The following ANKRD6 variants were observed in gnomAD, a reference collection of about 807,000 sequenced individuals.
ANKRD6 encodes the protein ankyrin repeat domain 6, also known as ankyrin repeat domain-containing protein 6.
Under a neutral mutation model 82.3 loss-of-function variants are expected in ANKRD6, and 56 were observed. The observed-to-expected ratio is 0.68, with a 90% CI of 0.55 to 0.85. ANKRD6 has a LOEUF of 0.85. ANKRD6 is among the 40% of genes least tolerant of loss of function. ANKRD6 has a pLI of 0.00. For synonymous variants in ANKRD6, 347 were observed against 352.1 expected, an observed-to-expected ratio of 0.99 and a Z score of 0.16; for missense variants, 852 against 907.6, an observed-to-expected ratio of 0.94 and a Z score of 0.79.
At chr6:89,466,397 C>T (rs777736493) in intron 1 of ANKRD6, among the ~76,000 whole-genome samples, 18 of 152,136 alleles carry the variant, frequency 1.2e-4, no homozygotes, top group Non-Finnish European at 1.8e-4. Flanking sequence ...ACTTTTGACA[C>T]ATATTGCCAA....
At chr6:89,570,505 A>C (rs74923221) in intron 2 of ANKRD6, among the ~76,000 whole-genome samples, 34 of 152,258 alleles carry the variant, frequency 2.2e-4, no homozygotes, top group Non-Finnish European at 4.6e-4. Context: ...ATCTTCAGAA[A>C]TTTTTCGTCT....
chr6:89,436,464 T>C (rs1770649797), intron 1 of ANKRD6, among the ~76,000 whole-genome samples: 1 of 152,242 alleles, frequency 6.6e-6, no homozygotes, highest in East Asian at 1.9e-4. Context: ...TCAGATTTTC[T>C]ACATTGCCCA....
At chr6:89,544,264 G>A (rs1049213360) in intron 1 of ANKRD6, among the ~76,000 whole-genome samples, 2 of 152,196 alleles carry the variant, frequency 1.3e-5, no homozygotes, top group African/African-American at 4.8e-5. Context: ...GCCGCAAGGA[G>A]CCATCCCAAT....
chr6:89,591,600 C>G (rs563810168), intron 2 of ANKRD6, among the ~76,000 whole-genome samples: 1 of 152,190 alleles, frequency 6.6e-6, no homozygotes, highest in East Asian at 1.9e-4. Context: ...GTCGGACATG[C>G]CTGGGGGCAT....
At chr6:89,459,221 G>A (rs1325766654) in intron 1 of ANKRD6, among the ~76,000 whole-genome samples, 5 of 152,150 alleles carry the variant, frequency 3.3e-5, no homozygotes, top group Non-Finnish European at 5.9e-5. Context: ...TGGGATTACA[G>A]GCATGTGCCA....
chr6:89,616,541 C>T lies in ANKRD6; in HGVS notation c.616-18C>T. 6.2e-7 allele frequency: 1 copy of T among 1,612,494 alleles called. No homozygotes were observed. The highest frequency in any genetic ancestry group is 8.5e-7 in the Non-Finnish European group (1 of 1,178,516). On this transcript the variant is annotated intron_variant, in intron 7 of 15. Coordinates refer to ENST00000339746, the MANE Select transcript of ANKRD6 (RefSeq NM_001242809.2). ...CCATGAGCAGATGAGGTTTAGCAGACCTTCTAATCAATTCCAGGCTGGAGA... is the reference window on the plus strand; with the variant it reads ...CCATGAGCAGATGAGGTTTAGCAGATCTTCTAATCAATTCCAGGCTGGAGA...
chr6:89,453,678 C>T (rs1773144105), intron 1 of ANKRD6, among the ~76,000 whole-genome samples: 1 of 152,140 alleles, frequency 6.6e-6, no homozygotes. Context: ...CTCCCAGGTT[C>T]AAGCTATTCT....
At chr6:89,607,199 G>T (rs1798897100) in intron 5 of ANKRD6, among the ~76,000 whole-genome samples, 1 of 151,298 alleles carries the variant, frequency 6.6e-6, no homozygotes, top group Admixed American at 6.6e-5. Context: ...TTTTTACTTG[G>T]TACCTACCTT....
At chr6:89,553,716 G>A (rs930331575) in intron 1 of ANKRD6, among the ~76,000 whole-genome samples, 1 of 152,132 alleles carries the variant, frequency 6.6e-6, no homozygotes, top group Non-Finnish European at 1.5e-5. Flanking sequence ...ACCCCAGCCA[G>A]CGTGCCTCTC....
At position 89,538,630 on chromosome 6, in the gene ANKRD6, G is replaced by A. The variant is rs114128250; in HGVS notation, c.-143-28204G>A. On this transcript the variant is annotated intron_variant, in intron 1 of 15. Coordinates refer to ENST00000339746, the MANE Select transcript of ANKRD6 (RefSeq NM_001242809.2). ...TATTTATTTAGATAAAAGCTAATCT[G>A]TTAAGGTCAAGACTCTATCATGTGT... 1.5e-3 allele frequency among the ~76,000 whole-genome samples: 232 copies of A among 152,224 alleles called. 2 individuals carry two copies. Among genetic ancestry groups the A allele is most frequent in the African/African-American group, 5.3e-3 (222 of 41,544 alleles).
chr6:89,628,940 C>T, intron 14 of ANKRD6, 172 bp from the exon 15 acceptor site: 1 of 674,808 alleles, frequency 1.5e-6, no homozygotes, highest in Non-Finnish European at 2.4e-6. Context: ...TTGGAGGGGT[C>T]AAATATCCAA....
chr6:89,549,667 T>C, intron 1 of ANKRD6, among the ~76,000 whole-genome samples: 1 of 152,224 alleles, frequency 6.6e-6, no homozygotes, highest in East Asian at 1.9e-4. Context: ...TACATGACTT[T>C]CTTTTTTTTA....
chr6:89,498,640 C>G (rs1160490887), intron 1 of ANKRD6, among the ~76,000 whole-genome samples: 33 of 152,046 alleles, frequency 2.2e-4, no homozygotes, highest in Non-Finnish European at 1.5e-5. Flanking sequence ...CTCTTGAAAC[C>G]TGCTATGCAG....
chr6:89,491,612 G>A (rs1345405698), intron 1 of ANKRD6, among the ~76,000 whole-genome samples: 2 of 151,694 alleles, frequency 1.3e-5, no homozygotes, highest in Non-Finnish European at 2.9e-5. Context: ...CACAGGAAGG[G>A]GAATATCACA....
At position 89,614,017 on chromosome 6, in the gene ANKRD6, A is replaced by G. The variant is rs1800879950; in HGVS notation, c.615+127A>G. On this transcript the variant is annotated intron_variant, in intron 7 of 15. Coordinates refer to ENST00000339746, the MANE Select transcript of ANKRD6 (RefSeq NM_001242809.2). Reference sequence around the variant, plus strand: ...CATGTCACCTACCTGGGACTCAGCCAGCAGTGGGCTTTGCATGGGTGTCAC... The same window carrying G: ...CATGTCACCTACCTGGGACTCAGCCGGCAGTGGGCTTTGCATGGGTGTCAC... The G allele has an allele frequency of 1.8e-5, 16 of 875,796 alleles. No homozygotes were observed. The Admixed American group carries it at 3.6e-4, about 20-fold the overall frequency. The allele number at this position is 875,796 out of a possible 1,614,324, so 54.3% of individuals were successfully genotyped here. A position where few individuals can be genotyped will look rare whatever the true frequency, so the allele number is the denominator to read the frequency against.
intron 1 of ANKRD6, among the ~76,000 whole-genome samples, chr6:89,505,464 G>C (rs566722815): frequency 5.9e-5 from 9 of 152,300 alleles, no homozygotes; most frequent in Admixed American, 2.0e-4. Context: ...TCCCAGAAGA[G>C]TGAAGATCTG....
At chr6:89,578,286 CTTT>C (rs71024383) in intron 2 of ANKRD6, among the ~76,000 whole-genome samples, 1,902 of 119,106 alleles carry the variant, frequency 0.016, 288 homozygotes, top group Non-Finnish European at 0.022. Flanking sequence ...CTCCCGCCTC[CTTT>C]TTTTTTTTTT....
intron 1 of ANKRD6, among the ~76,000 whole-genome samples, chr6:89,507,274 A>G (rs1012022417): frequency 6.6e-6 from 1 of 152,206 alleles, no homozygotes; most frequent in Non-Finnish European, 1.5e-5. Context: ...TGCATTATTT[A>G]TGTAAAAATA....
chr6:89,531,015 C>T (rs1359685935), intron 1 of ANKRD6, among the ~76,000 whole-genome samples: 2 of 152,146 alleles, frequency 1.3e-5, no homozygotes, highest in South Asian at 2.1e-4. Flanking sequence ...CATGAGATAC[C>T]GAGGCAGGCA....
Sources: gnomAD v4.1 joint callset for allele counts (sites outside exome capture counted in the v4.1 genomes callset) on GRCh38, gnomAD v4.1.1 for gene constraint, MANE v1.5 for transcripts, NCBI Gene and HGNC (gene_info 2026-07-23, HGNC 2026-07-21) for gene names.